The following PCDH15 variants were observed in gnomAD, a reference collection of about 807,000 sequenced individuals.
PCDH15 encodes the protein protocadherin related 15, also known as protocadherin-15.
Under a neutral mutation model 178.5 loss-of-function variants are expected in PCDH15, and 129 were observed. The ratio of observed to expected loss-of-function variants is 0.72; its 90% CI spans 0.63 to 0.84. The LOEUF is 0.84. Among genes scored for constraint, PCDH15 ranks in the 40% least tolerant of loss-of-function variants. The pLI is 0.00. For synonymous variants in PCDH15, 800 were observed against 732.0 expected (o/e 1.09, Z -1.50); for missense variants, 2,230 against 2,099.9 (o/e 1.06, Z -1.21).
chr10:54,792,952 C>T (rs1951563311), intron 1 of PCDH15, among the ~76,000 whole-genome samples: 1 of 151,754 alleles, frequency 6.6e-6, no homozygotes, highest in African/African-American at 2.4e-5. Flanking sequence ...CCATATCATG[C>T]TGTTAGCAGA....
intron 15 of PCDH15, among the ~76,000 whole-genome samples, chr10:54,094,657 T>C (rs150189545): frequency 6.6e-6 from 1 of 152,204 alleles, no homozygotes; most frequent in Admixed American, 6.5e-5. Flanking sequence ...GTATTTTGGA[T>C]AGCTGGCAAG....
chr10:55,314,469 T>C (rs1843671479), intron 1 of PCDH15, among the ~76,000 whole-genome samples: 2 of 151,878 alleles, frequency 1.3e-5, no homozygotes, highest in Non-Finnish European at 2.9e-5. Flanking sequence ...AACAATTCCA[T>C]GTCATTCATT....
intron 26 of PCDH15, among the ~76,000 whole-genome samples, chr10:53,877,033 A>T (rs1564662647): frequency 6.6e-6 from 1 of 152,146 alleles, no homozygotes; most frequent in Non-Finnish European, 1.5e-5. Flanking sequence ...AAACTAAAGA[A>T]AAGCCAAATG....
intron 10 of PCDH15, 121 bp downstream of exon 10, chr10:54,213,814 TG>T (rs1487639871): frequency 1.6e-6 from 1 of 629,724 alleles, no homozygotes; most frequent in African/African-American, 1.9e-5. Flanking sequence ...AACAAAAAAT[TG>T]ACTGACTGCT....
chr10:54,412,143 A>C (rs1176241383), intron 3 of PCDH15, among the ~76,000 whole-genome samples: 3 of 152,040 alleles, frequency 2.0e-5, no homozygotes, highest in African/African-American at 7.2e-5. Flanking sequence ...AACTGACAAT[A>C]GATGGAGGTC....
intron 2 of PCDH15, among the ~76,000 whole-genome samples, chr10:54,983,497 T>A (rs1839291671): frequency 6.6e-6 from 1 of 152,088 alleles, no homozygotes; most frequent in Non-Finnish European, 1.5e-5. Flanking sequence ...GCTTAGCAAG[T>A]TATTTGTCCT....
intron 3 of PCDH15, among the ~76,000 whole-genome samples, chr10:54,862,602 T>C (rs949817375): frequency 3.3e-5 from 5 of 152,092 alleles, no homozygotes; most frequent in African/African-American, 1.2e-4. Context: ...TGGTGTCTGG[T>C]CCCTCATGAA....
intron 8 of PCDH15, among the ~76,000 whole-genome samples, chr10:54,287,178 AACTT>A (rs1339698964): frequency 6.6e-6 from 1 of 152,162 alleles, no homozygotes; most frequent in African/African-American, 2.4e-5. Flanking sequence ...GACTTCTCAA[AACTT>A]CTAAAGTTTA....
chr10:55,128,369 T>A (rs1266156993), intron 2 of PCDH15, among the ~76,000 whole-genome samples: 1 of 151,946 alleles, frequency 6.6e-6, no homozygotes, highest in Non-Finnish European at 1.5e-5. Context: ...GCCTGTTTGT[T>A]TTCTAGTAGT....
Position 53,831,297 on chromosome 10 carries a change from C to T in PCDH15, c.4202+18G>A. On this transcript the variant is annotated intron_variant, in intron 30 of 37. Transcript: ENST00000644397. ...ACTTCTGAGGAACTATCCAGGTTTA[C>T]CATCCTTGAATACTTACTGTCTGTA... 4 of 1,610,636 alleles carry T rather than the reference C, an allele frequency of 2.5e-6. No homozygotes were observed. Among genetic ancestry groups the T allele is most frequent in the Non-Finnish European group, 2.5e-6 (3 of 1,176,770 alleles).
chr10:54,053,296 T>C (rs2093817711), intron 18 of PCDH15, among the ~76,000 whole-genome samples: 1 of 152,228 alleles, frequency 6.6e-6, no homozygotes, highest in Admixed American at 6.5e-5. Flanking sequence ...TTTAGGAATC[T>C]TCATTACAAA....
chr10:55,013,876 C>T (rs1036055875), intron 2 of PCDH15, among the ~76,000 whole-genome samples: 2 of 152,106 alleles, frequency 1.3e-5, no homozygotes, highest in East Asian at 1.9e-4. Flanking sequence ...AAAATTTCAA[C>T]CCTAGAACAG....
intron 1 of PCDH15, among the ~76,000 whole-genome samples, chr10:54,699,746 C>T (rs1284146690): frequency 6.6e-6 from 1 of 151,862 alleles, no homozygotes; most frequent in African/African-American, 2.4e-5. Flanking sequence ...TCCATTAATG[C>T]ATTTTAATAA....
chr10:55,223,293 T>C lies in PCDH15; in HGVS notation c.-155-56642A>G, dbSNP rs1023316644. ...AAGCCCCTTGGTCATAGAGCCTCCA[T>C]AGTAAATCTACAACTTTAACTACAA... On this transcript the variant is annotated intron_variant, in intron 1 of 5. Coordinates refer to the PCDH15 transcript ENST00000458638. Among the ~76,000 whole-genome samples the C allele has an allele frequency of 2.9e-4, 44 of 152,268 alleles. 1 individual carries two copies. Among genetic ancestry groups the C allele is most frequent in the East Asian group, 1.3e-3 (7 of 5,186 alleles).
At chr10:53,912,242 A>C (rs2083157193) in intron 25 of PCDH15, among the ~76,000 whole-genome samples, 1 of 152,204 alleles carries the variant, frequency 6.6e-6, no homozygotes, top group African/African-American at 2.4e-5. Context: ...GACAAAATTC[A>C]ACAGCCCTTC....
At chr10:54,794,150 C>A (rs1951733528) in intron 1 of PCDH15, among the ~76,000 whole-genome samples, 1 of 146,536 alleles carries the variant, frequency 6.8e-6, no homozygotes, top group African/African-American at 2.5e-5. Context: ...TTATATATAT[C>A]TTAAAGGAAA....
chr10:54,163,073 G>A (rs2045877822), intron 13 of PCDH15, among the ~76,000 whole-genome samples: 1 of 152,082 alleles, frequency 6.6e-6, no homozygotes, highest in Non-Finnish European at 1.5e-5. Context: ...AAATTCTCAA[G>A]GGCAATTATA....
chr10:55,315,893 A>G (rs1404872978), intron 1 of PCDH15, among the ~76,000 whole-genome samples: 5 of 151,960 alleles, frequency 3.3e-5, no homozygotes, highest in African/African-American at 4.8e-5. Flanking sequence ...GTGCATGCCT[A>G]TAATCCCAGC....
chr10:53,894,699 T>C (rs1326052847), intron 26 of PCDH15, among the ~76,000 whole-genome samples: 1 of 152,196 alleles, frequency 6.6e-6, no homozygotes, highest in Non-Finnish European at 1.5e-5. Context: ...TTCTCAAGTA[T>C]AACAGTTGTC....
Sources: allele counts gnomAD v4.1 joint callset (sites outside exome capture counted in the v4.1 genomes callset), GRCh38; gene constraint gnomAD v4.1.1; transcripts MANE v1.5; gene names NCBI Gene and HGNC (gene_info 2026-07-23, HGNC 2026-07-21).